GRM5: variants seen among roughly 807,000 people sequenced by gnomAD.
The protein encoded by GRM5 is glutamate metabotropic receptor 5.
A neutral mutation model predicts 83.1 loss-of-function variants in GRM5; 19 were observed. That is an observed-to-expected ratio of 0.23 (90% CI 0.16 to 0.34). The LOEUF (loss-of-function observed/expected upper bound fraction) is 0.34. Among genes scored for constraint, GRM5 ranks in the 10% least tolerant of loss-of-function variants. The pLI, the probability that GRM5 is intolerant of heterozygous loss-of-function variation, is 1.00. For missense variants in GRM5, 1,160 were observed against 1,588.3 expected (o/e 0.73, Z 4.58); for synonymous variants, 675 against 633.6 (o/e 1.07, Z -0.98).
At chr11:88,648,572 G>T (rs1485069241) in intron 4 of GRM5, among the ~76,000 whole-genome samples, 1 of 140,998 alleles carries the variant, frequency 7.1e-6, no homozygotes, top group Non-Finnish European at 1.5e-5. Flanking sequence ...GTTAGTGGGT[G>T]CAGTGCACCA....
chr11:88,860,862 C>T (rs1944549934), intron 2 of GRM5, among the ~76,000 whole-genome samples: 1 of 152,100 alleles, frequency 6.6e-6, no homozygotes, highest in Non-Finnish European at 1.5e-5. Context: ...GGCATTAGAG[C>T]CTTGGTGACT....
chr11:88,518,617 C>A (rs1941590355), intron 9 of GRM5, among the ~76,000 whole-genome samples: 1 of 151,890 alleles, frequency 6.6e-6, no homozygotes, highest in African/African-American at 2.4e-5. Flanking sequence ...CCAAGAAGGG[C>A]ATATGAGCAT....
intron 3 of GRM5, among the ~76,000 whole-genome samples, chr11:88,720,821 C>CGCGTGTGTGTGT (rs1179283685): frequency 2.2e-5 from 3 of 137,264 alleles, no homozygotes; most frequent in African/African-American, 8.1e-5. Flanking sequence ...TGTGTGTGTG[C>CGCGTGTGTGTGT]GTGTGTGTGT....
At chr11:88,903,844 G>A (rs7940853) in intron 2 of GRM5, among the ~76,000 whole-genome samples, 2,618 of 152,198 alleles carry the variant, frequency 0.017, 65 homozygotes, top group African/African-American at 0.058. Flanking sequence ...TGACTTTACC[G>A]CTGTGCAATT....
chr11:88,780,320 T>C (rs948643045), intron 3 of GRM5, among the ~76,000 whole-genome samples: 7 of 152,188 alleles, frequency 4.6e-5, no homozygotes, highest in African/African-American at 1.4e-4. Flanking sequence ...TCTAAAATAT[T>C]TATAAATGCA....
chr11:88,926,303 C>G (rs550152033), intron 2 of GRM5, among the ~76,000 whole-genome samples: 11 of 152,252 alleles, frequency 7.2e-5, no homozygotes, highest in African/African-American at 2.2e-4. Flanking sequence ...TTGTTTTCTA[C>G]AGTGTGAGTT....
intron 8 of GRM5, among the ~76,000 whole-genome samples, chr11:88,545,456 C>T (rs1194084198): frequency 6.8e-6 from 1 of 147,304 alleles, no homozygotes; most frequent in African/African-American, 2.5e-5. Context: ...TGCAGTTGGC[C>T]CCCCCTCCCC....
intron 3 of GRM5, among the ~76,000 whole-genome samples, chr11:88,657,608 C>T (rs1939795428): frequency 6.6e-6 from 1 of 152,096 alleles, no homozygotes; most frequent in African/African-American, 2.4e-5. Context: ...CTACAATCTA[C>T]TCTTCCCCTT....
intron 3 of GRM5, among the ~76,000 whole-genome samples, chr11:88,834,945 G>A (rs374500687): frequency 6.6e-6 from 1 of 152,038 alleles, no homozygotes; most frequent in Non-Finnish European, 1.5e-5. Flanking sequence ...CTGAGTTGAA[G>A]AGAACCGTTT....
chr11:88,816,036 A>G (rs1590879555), intron 3 of GRM5, among the ~76,000 whole-genome samples: 1 of 136,546 alleles, frequency 7.3e-6, no homozygotes, highest in African/African-American at 3.0e-5. Context: ...ACAAGGTGAA[A>G]CCCCGTCTCT....
chr11:88,835,022 G>A (rs1442318197), intron 3 of GRM5, among the ~76,000 whole-genome samples: 2 of 152,044 alleles, frequency 1.3e-5, no homozygotes, highest in African/African-American at 4.8e-5. Flanking sequence ...TATCTACAAT[G>A]TGTTAGGTAT....
chr11:88,566,799 C>A (rs999883648), intron 8 of GRM5, among the ~76,000 whole-genome samples: 3 of 152,088 alleles, frequency 2.0e-5, no homozygotes, highest in Admixed American at 6.6e-5. Flanking sequence ...GCCCTCTCAA[C>A]CTCACTCCCC....
intron 8 of GRM5, among the ~76,000 whole-genome samples, chr11:88,562,639 C>G (rs1942783935): frequency 6.6e-6 from 1 of 151,734 alleles, no homozygotes; most frequent in South Asian, 2.1e-4. Context: ...TACTTCTTTC[C>G]TCTTCTTTGC....
intron 3 of GRM5, among the ~76,000 whole-genome samples, chr11:88,796,493 A>G (rs1943276845): frequency 6.6e-6 from 1 of 152,196 alleles, no homozygotes; most frequent in Non-Finnish European, 1.5e-5. Context: ...CACATGACTT[A>G]TTGAAGATTA....
At chr11:88,782,245 G>A (rs1942988349) in intron 3 of GRM5, among the ~76,000 whole-genome samples, 1 of 152,042 alleles carries the variant, frequency 6.6e-6, no homozygotes, top group African/African-American at 2.4e-5. Flanking sequence ...TGCTGATAAA[G>A]ATGTACTTGA....
chr11:88,578,457 T>G (rs1457532328), intron 7 of GRM5, among the ~76,000 whole-genome samples: 1 of 152,114 alleles, frequency 6.6e-6, no homozygotes, highest in South Asian at 2.1e-4. Context: ...GTCAGAGTGG[T>G]TTTTGACCAC....
chr11:88,571,469 G>C (rs1943000071), intron 7 of GRM5, among the ~76,000 whole-genome samples: 1 of 151,962 alleles, frequency 6.6e-6, no homozygotes, highest in African/African-American at 2.4e-5. Flanking sequence ...CTGATTAAAG[G>C]GTTATAATCA....
At chr11:88,869,660 GC>G (rs1367603298) in intron 2 of GRM5, among the ~76,000 whole-genome samples, 1 of 151,386 alleles carries the variant, frequency 6.6e-6, no homozygotes, top group African/African-American at 2.4e-5. Context: ...TGCTCATCGG[GC>G]CTTTTGCTTA....
intron 3 of GRM5, among the ~76,000 whole-genome samples, chr11:88,822,392 G>C (rs1006765924): frequency 6.6e-6 from 1 of 152,144 alleles, no homozygotes; most frequent in Non-Finnish European, 1.5e-5. Context: ...AGGATAATAA[G>C]CAATCATGCA....
Sources: allele counts gnomAD v4.1 joint callset (sites outside exome capture counted in the v4.1 genomes callset), GRCh38; gene constraint gnomAD v4.1.1; transcripts MANE v1.5; gene names NCBI Gene and HGNC (gene_info 2026-07-23, HGNC 2026-07-21).